Variants in DMRT1 observed in about 807,000 individuals in gnomAD.
DMRT1 encodes the protein doublesex- and mab-3-related transcription factor 1.
In DMRT1, 7 loss-of-function variants were observed where a neutral mutation model predicts 32.3. The ratio of observed to expected loss-of-function variants is 0.22; its 90% CI spans 0.12 to 0.41. DMRT1 has a LOEUF of 0.41. Ranked by LOEUF, DMRT1 falls within the 10% of genes least tolerant of loss-of-function variation. DMRT1 has a pLI of 1.00. For synonymous variants in DMRT1, 278 were observed against 206.1 expected (o/e 1.35, Z -2.99); for missense variants, 625 against 500.5 (o/e 1.25, Z -2.37).
intron 2 of DMRT1, among the ~76,000 whole-genome samples, chr9:853,272 T>C (rs1815240648): frequency 6.6e-6 from 1 of 152,134 alleles, no homozygotes; most frequent in South Asian, 2.1e-4. Flanking sequence ...AGTCCGTAGT[T>C]TGCATAGGGG....
chr9:930,608 C>CAG lies in DMRT1; in HGVS notation c.967+13701_967+13702insAG, dbSNP rs1352362258. Among the ~76,000 whole-genome samples the CAG allele has an allele frequency of 9.2e-5, 14 of 152,138 alleles. No homozygotes were observed. The East Asian group carries it at 2.3e-3, about 25-fold the overall frequency. On this transcript the variant is annotated intron_variant, in intron 4 of 4. Transcript: ENST00000382276. Reference sequence around the variant, plus strand: ...TATTTTTAGTAGAGACAGGGTTTCACCATGTTAGCCAGGATGGTCTCGATC... The same window carrying CAG: ...TATTTTTAGTAGAGACAGGGTTTCACAGCATGTTAGCCAGGATGGTCTCGATC...
chr9:954,471 A>C (rs1819530259), intron 4 of DMRT1, among the ~76,000 whole-genome samples: 1 of 151,988 alleles, frequency 6.6e-6, no homozygotes, highest in Admixed American at 6.6e-5. Flanking sequence ...AGCTGCTTAG[A>C]TGTGGGAGGG....
intron 3 of DMRT1, among the ~76,000 whole-genome samples, chr9:895,338 G>C (rs1300362417): frequency 6.6e-6 from 1 of 152,124 alleles, no homozygotes; most frequent in African/African-American, 2.4e-5. Context: ...GGAATATGTA[G>C]GTGAAAAGTT....
In DMRT1 at chr9:968,114, C is replaced by G. The variant is rs138222786; in HGVS notation, c.1097C>G (p.Thr366Ser). The change falls in exon 5 of 5, where the codon ACT becomes AGT. Residue 366 changes from threonine (T) to serine (S), a missense_variant. Coordinates refer to ENST00000382276, the MANE Select transcript of DMRT1 (RefSeq NM_021951.3). ...TCGGAGCCCAGCAGCTTCACAGTCACTCCCGTCATCGAGGAGGACGAGTGA... is the reference window on the plus strand; with the variant it reads ...TCGGAGCCCAGCAGCTTCACAGTCAGTCCCGTCATCGAGGAGGACGAGTGA... ...PASEPSSFTV[T>S]PVIEEDE is the part of the protein sequence containing the mutation. The G allele has an allele frequency of 9.9e-6, 16 of 1,613,806 alleles. No homozygotes were observed. Among genetic ancestry groups the G allele is most frequent in the Middle Eastern group, 1.7e-4 (1 of 6,054 alleles).
chr9:930,043 A>T (rs1324811766), intron 4 of DMRT1, among the ~76,000 whole-genome samples: 1 of 152,100 alleles, frequency 6.6e-6, no homozygotes, highest in African/African-American at 2.4e-5. Context: ...TTTATTCAAG[A>T]CCTGGTTGAA....
At chr9:842,422 A>G in intron 1 of DMRT1, 1 of 590,556 alleles carries the variant, frequency 1.7e-6, no homozygotes, top group South Asian at 2.1e-5. Flanking sequence ...TTTAGTAGAG[A>G]CGGGGGTTTC....
chr9:924,828 G>C (rs1208253796), intron 4 of DMRT1, among the ~76,000 whole-genome samples: 2 of 152,190 alleles, frequency 1.3e-5, no homozygotes, highest in Admixed American at 1.3e-4. Context: ...TATGCCTAAA[G>C]AATGGTACAG....
intron 2 of DMRT1, among the ~76,000 whole-genome samples, chr9:892,129 T>C (rs1404583705): frequency 1.3e-5 from 2 of 152,226 alleles, no homozygotes; most frequent in Non-Finnish European, 2.9e-5. Context: ...CCTGAAGACC[T>C]AGTTGTCTGT....
chr9:875,111 A>T (rs1218648536), intron 2 of DMRT1, among the ~76,000 whole-genome samples: 21 of 152,124 alleles, frequency 1.4e-4, no homozygotes, highest in Admixed American at 1.4e-3. Context: ...CGCCCGGCCA[A>T]CACTTAATCT....
chr9:909,561 C>A (rs1027674998), intron 3 of DMRT1, among the ~76,000 whole-genome samples: 9 of 152,080 alleles, frequency 5.9e-5, no homozygotes, highest in African/African-American at 2.2e-4. Flanking sequence ...AGCCTTCACA[C>A]CCAGCACCAC....
At position 949,554 on chromosome 9, in the gene DMRT1, A is replaced by G. The variant is rs114609121; in HGVS notation, c.968-18431A>G. On this transcript the variant is annotated intron_variant, in intron 4 of 4. Transcript: ENST00000382276. Reference sequence around the variant, plus strand: ...GCAAAAGTTTCTTACTGTCTGCTTTATTATTTTGTTTATTCATGATAAGAA... The same window carrying G: ...GCAAAAGTTTCTTACTGTCTGCTTTGTTATTTTGTTTATTCATGATAAGAA... Among the ~76,000 whole-genome samples, 273 of 152,280 alleles carry G rather than the reference A, an allele frequency of 1.8e-3. 3 individuals are homozygous for G. The highest frequency in any genetic ancestry group is 6.4e-3 in the African/African-American group (265 of 41,556).
At chr9:913,484 T>G (rs10977451) in intron 3 of DMRT1, among the ~76,000 whole-genome samples, 4 of 152,054 alleles carry the variant, frequency 2.6e-5, no homozygotes, top group African/African-American at 9.7e-5. Context: ...ATCTTTTAGT[T>G]CTGGGGAATT....
At chr9:922,681 T>C (rs1040344949) in intron 4 of DMRT1, among the ~76,000 whole-genome samples, 53 of 152,350 alleles carry the variant, frequency 3.5e-4, no homozygotes, top group African/African-American at 1.3e-3. Flanking sequence ...AAGTTAGAAA[T>C]GGTGCCTTAT....
chr9:947,130 C>T (rs1819272557), intron 4 of DMRT1, among the ~76,000 whole-genome samples: 1 of 152,166 alleles, frequency 6.6e-6, no homozygotes, highest in Admixed American at 6.5e-5. Context: ...GGCTGAATTC[C>T]AGTAAATGGA....
rs538317907 is a variant in DMRT1, at chr9:861,593, G to C, written c.538+14450G>C. 1.7e-4 allele frequency among the ~76,000 whole-genome samples: 26 copies of C among 150,304 alleles called. No individual in the cohort carries two copies. In the South Asian group the frequency reaches 5.0e-3, roughly 29 times the overall value. ...GCTGTTGGGTACACCTCCCAGACGGGGTGGCGGCCGGGCAGAGGGGCTCCT... is the reference window on the plus strand; with the variant it reads ...GCTGTTGGGTACACCTCCCAGACGGCGTGGCGGCCGGGCAGAGGGGCTCCT... On this transcript the variant is annotated intron_variant, in intron 2 of 4. Coordinates refer to ENST00000382276, the MANE Select transcript of DMRT1 (RefSeq NM_021951.3).
At position 898,021 on chromosome 9, in the gene DMRT1, G is replaced by T. The variant is rs1165239092; in HGVS notation, c.822+3826G>T. Among the ~76,000 whole-genome samples, 3 of 152,222 alleles carry T rather than the reference G, an allele frequency of 2.0e-5. No individual in the cohort carries two copies. The South Asian group carries it at 6.2e-4, about 32-fold the overall frequency. ...TATAAAGAAGTATTAAAATTAAATA[G>T]TAAAAATCTACAAATAATACCTTTA... On this transcript the variant is annotated intron_variant, in intron 3 of 4. Transcript: ENST00000382276.
chr9:849,812 G>A (rs1589445656), intron 2 of DMRT1, among the ~76,000 whole-genome samples: 1 of 83,876 alleles, frequency 1.2e-5, no homozygotes, highest in East Asian at 3.9e-4. Context: ...TGAGGACGAT[G>A]GGCTCTCTCT....
At chr9:945,916 G>C (rs1382312110) in intron 4 of DMRT1, among the ~76,000 whole-genome samples, 2 of 152,048 alleles carry the variant, frequency 1.3e-5, no homozygotes, top group African/African-American at 2.4e-5. Context: ...AATGTGGTTT[G>C]CTTGGCTTTT....
At chr9:951,163 A>G (rs1019024462) in intron 4 of DMRT1, among the ~76,000 whole-genome samples, 1 of 152,178 alleles carries the variant, frequency 6.6e-6, no homozygotes, top group African/African-American at 2.4e-5. Context: ...AGCACTAGAC[A>G]ACATGAGAGT....
Sources: gnomAD v4.1 joint callset for allele counts (sites outside exome capture counted in the v4.1 genomes callset) on GRCh38, gnomAD v4.1.1 for gene constraint, MANE v1.5 for transcripts, NCBI Gene and HGNC (gene_info 2026-07-23, HGNC 2026-07-21) for gene names.